The following KCNMA1 variants were observed in gnomAD, a reference collection of about 807,000 sequenced individuals.
KCNMA1 encodes the protein potassium calcium-activated channel subfamily M alpha 1.
A neutral mutation model predicts 140.0 loss-of-function variants in KCNMA1; 29 were observed. The observed-to-expected ratio is 0.21, with a 90% CI of 0.15 to 0.28. The LOEUF (loss-of-function observed/expected upper bound fraction) is 0.28, where lower values mean the gene tolerates loss of function less well. Among genes scored for constraint, KCNMA1 ranks in the 10% least tolerant of loss-of-function variants. The pLI is 1.00. For missense variants in KCNMA1, 880 were observed against 1,602.2 expected, an observed-to-expected ratio of 0.55 and a Z score of 7.70; for synonymous variants, 612 against 611.9, an observed-to-expected ratio of 1.00 and a Z score of 0.00.
intron 24 of KCNMA1, chr10:76,911,683 T>C (rs16934025): frequency 0.23 from 34,783 of 152,114 alleles, 4,447 homozygotes; most frequent in Admixed American, 0.33. Flanking sequence ...CCACCCATTA[T>C]AGCATGAAAA....
At chr10:76,902,910 C>G (rs1336914946) in intron 25 of KCNMA1, 3 of 152,208 alleles carry the variant, frequency 2.0e-5, no homozygotes, top group Admixed American at 6.5e-5. Flanking sequence ...AAAGAACCAT[C>G]AACTAGCAAT....
intron 3 of KCNMA1, among the ~76,000 whole-genome samples, chr10:77,201,062 C>T (rs920944905): frequency 6.6e-6 from 1 of 152,106 alleles, no homozygotes; most frequent in Non-Finnish European, 1.5e-5. Context: ...CAGAGGGCTG[C>T]CTGAAAGTAT....
At chr10:76,921,288 C>T (rs1473542486) in intron 23 of KCNMA1, among the ~76,000 whole-genome samples, 1 of 152,032 alleles carries the variant, frequency 6.6e-6, no homozygotes, top group East Asian at 1.9e-4. Flanking sequence ...GAAAGATCAC[C>T]TTTAAAAATG....
chr10:77,040,022 A>C (rs2094573160), intron 14 of KCNMA1, among the ~76,000 whole-genome samples: 1 of 149,562 alleles, frequency 6.7e-6, no homozygotes, highest in Non-Finnish European at 1.5e-5. Context: ...AGCTGGGACT[A>C]TAGGTGTGCA....
intron 2 of KCNMA1, chr10:77,376,625 T>A (rs1245993241): frequency 1.2e-5 from 1 of 81,486 alleles, no homozygotes; most frequent in African/African-American, 6.0e-5. Context: ...ATAAGTTTTT[T>A]TTTTTTTAAT....
chr10:77,139,994 C>T (rs2098130294), intron 5 of KCNMA1, among the ~76,000 whole-genome samples: 1 of 152,214 alleles, frequency 6.6e-6, no homozygotes, highest in African/African-American at 2.4e-5. Flanking sequence ...CAAGCTATTA[C>T]ATCGTTTGCC....
intron 5 of KCNMA1, among the ~76,000 whole-genome samples, chr10:77,156,464 A>T (rs2098485554): frequency 6.6e-6 from 1 of 152,136 alleles, no homozygotes; most frequent in South Asian, 2.1e-4. Flanking sequence ...TCCAACTTCC[A>T]AGCTACCCTT....
chr10:77,543,025 C>T (rs961598618), intron 1 of KCNMA1, among the ~76,000 whole-genome samples: 1 of 25,106 alleles, frequency 4.0e-5, no homozygotes, highest in Admixed American at 4.0e-4. Flanking sequence ...CTTTCTCTCT[C>T]TCTCATTCTC....
chr10:77,170,639 C>T (rs1023195827), intron 5 of KCNMA1, among the ~76,000 whole-genome samples: 11 of 152,314 alleles, frequency 7.2e-5, no homozygotes, highest in African/African-American at 2.6e-4. Context: ...GGACCTCCCT[C>T]CGCCCCTCTC....
At chr10:77,082,203 A>G (rs2096597193) in intron 12 of KCNMA1, among the ~76,000 whole-genome samples, 1 of 150,778 alleles carries the variant, frequency 6.6e-6, no homozygotes, top group Admixed American at 6.6e-5. Context: ...TAAGTTTTGT[A>G]TTTTTAGTAG....
At chr10:77,045,135 C>G (rs1472197276) in intron 14 of KCNMA1, among the ~76,000 whole-genome samples, 1 of 152,206 alleles carries the variant, frequency 6.6e-6, no homozygotes, top group East Asian at 1.9e-4. Context: ...CAACTTCTTT[C>G]CTAAAATAGT....
intron 2 of KCNMA1, among the ~76,000 whole-genome samples, chr10:77,392,656 G>C (rs2095875094): frequency 1.3e-5 from 2 of 152,256 alleles, no homozygotes; most frequent in South Asian, 4.1e-4. Flanking sequence ...TGAAGGAATG[G>C]ATGAAGGGAT....
At chr10:77,499,181 TGTTATGAAG>T (rs2042934704) in intron 1 of KCNMA1, among the ~76,000 whole-genome samples, 1 of 152,022 alleles carries the variant, frequency 6.6e-6, no homozygotes. Flanking sequence ...AAACAAGATG[TGTTATGAAG>T]GGCACATTTA....
intron 5 of KCNMA1, among the ~76,000 whole-genome samples, chr10:77,157,360 T>C (rs1450243925): frequency 1.3e-5 from 2 of 152,208 alleles, no homozygotes; most frequent in East Asian, 3.9e-4. Flanking sequence ...GTTCATTTTA[T>C]ATAAATTTCT....
intron 13 of KCNMA1, among the ~76,000 whole-genome samples, chr10:77,077,238 A>C (rs1360612833): frequency 2.6e-5 from 4 of 152,222 alleles, no homozygotes; most frequent in African/African-American, 9.6e-5. Context: ...AACAACAACA[A>C]AATGCCCTGT....
At chr10:77,393,007 C>T (rs1238418949) in intron 2 of KCNMA1, among the ~76,000 whole-genome samples, 6 of 152,242 alleles carry the variant, frequency 3.9e-5, no homozygotes, top group African/African-American at 1.2e-4. Flanking sequence ...GAGCCCAGCC[C>T]GTTCTCCAGT....
chr10:77,339,806 G>A (rs1259397679), intron 2 of KCNMA1, among the ~76,000 whole-genome samples: 1 of 152,260 alleles, frequency 6.6e-6, no homozygotes, highest in Admixed American at 6.5e-5. Flanking sequence ...AGGGGAAGAT[G>A]TCTGATAAAA....
chr10:77,090,860 C>T (rs1320888223), intron 9 of KCNMA1: 1 of 337,564 alleles, frequency 3.0e-6, no homozygotes, highest in Non-Finnish European at 5.6e-6. Context: ...ATTCATATCT[C>T]TCCCTTTCTG....
intron 20 of KCNMA1, among the ~76,000 whole-genome samples, chr10:76,960,311 G>A (rs2070556235): frequency 6.6e-6 from 1 of 152,082 alleles, no homozygotes; most frequent in Non-Finnish European, 1.5e-5. Flanking sequence ...GGGCTGAGGT[G>A]GGCAGATCAC....
Sources: gnomAD v4.1 joint callset for allele counts (sites outside exome capture counted in the v4.1 genomes callset) on GRCh38, gnomAD v4.1.1 for gene constraint, MANE v1.5 for transcripts, NCBI Gene and HGNC (gene_info 2026-07-23, HGNC 2026-07-21) for gene names.